Variants in LTBP1 observed in about 807,000 individuals in gnomAD.
The protein encoded by LTBP1 is latent transforming growth factor beta binding protein 1.
Under a neutral mutation model 207.6 loss-of-function variants are expected in LTBP1, and 129 were observed. The observed-to-expected ratio is 0.62, with a 90% CI of 0.54 to 0.72. LTBP1 has a LOEUF of 0.72. LTBP1 is among the 30% of genes least tolerant of loss of function. The pLI is 0.00. For synonymous variants in LTBP1, 963 were observed against 833.7 expected, an observed-to-expected ratio of 1.16 and a Z score of -2.67; for missense variants, 2,281 against 2,217.2, an observed-to-expected ratio of 1.03 and a Z score of -0.58.
chr2:33,211,265 A>G (rs900484751), intron 7 of LTBP1, among the ~76,000 whole-genome samples: 4 of 152,144 alleles, frequency 2.6e-5, no homozygotes, highest in African/African-American at 9.7e-5. Flanking sequence ...AGTTTATCAA[A>G]TGGCTAGTAC....
At chr2:33,381,571 A>G (rs2095214950) in intron 31 of LTBP1, among the ~76,000 whole-genome samples, 1 of 152,216 alleles carries the variant, frequency 6.6e-6, no homozygotes, top group African/African-American at 2.4e-5. Flanking sequence ...ACATTAAGCA[A>G]TTTGATCTCT....
In LTBP1 at chr2:32,947,598, G is replaced by A. The variant is rs931697245; in HGVS notation, c.274G>A (p.Gly92Ser). The A allele has an allele frequency of 2.8e-5, 37 of 1,309,196 alleles. No homozygotes were observed. The African/African-American group carries it at 5.6e-4, about 20-fold the overall frequency. 81.1% of individuals were successfully genotyped at this position (1,309,196 alleles called of 1,614,324 possible). Residue 92 changes from glycine to serine, a missense_variant, in exon 1 of 34, where the codon GGC (glycine) becomes AGC (serine). Physicochemically the swap from Gly to Ser is moderately conservative, Grantham distance 56. Transcript: ENST00000404816. ...GACCCGGCGCACGAGCAAGCCGGGC[G>A]GCGCGGCCCTGCAGGGGCTCAGACC... The part of the protein sequence containing the change: ...ERTRRTSKPG[G>S]AALQGLRPPP...
chr2:33,022,312 C>A (rs1443258547), intron 3 of LTBP1, among the ~76,000 whole-genome samples: 1 of 92,450 alleles, frequency 1.1e-5, no homozygotes, highest in East Asian at 5.2e-4. Flanking sequence ...CTAATTTCTT[C>A]TTGTCTCATA....
chr2:33,347,029 A>T (rs569854430), intron 25 of LTBP1, among the ~76,000 whole-genome samples: 2 of 149,674 alleles, frequency 1.3e-5, no homozygotes, highest in African/African-American at 5.0e-5. Context: ...GAGGCAGGAG[A>T]ATGGCGTGAA....
At chr2:33,142,409 G>T (rs1321107196) in intron 5 of LTBP1, among the ~76,000 whole-genome samples, 1 of 152,136 alleles carries the variant, frequency 6.6e-6, no homozygotes, top group Non-Finnish European at 1.5e-5. Flanking sequence ...TTGGTATGGA[G>T]CTTGCTTTTA....
chr2:33,313,933 T>C (rs1401047268), intron 23 of LTBP1, among the ~76,000 whole-genome samples: 2 of 152,208 alleles, frequency 1.3e-5, no homozygotes, highest in Admixed American at 6.5e-5. Flanking sequence ...AAACTTTCTC[T>C]AGGCGCTTTA....
intron 5 of LTBP1, among the ~76,000 whole-genome samples, chr2:33,136,774 C>T (rs902472461): frequency 1.3e-5 from 2 of 152,068 alleles, no homozygotes; most frequent in East Asian, 3.9e-4. Context: ...TGAAACACAC[C>T]ACACACTTTC....
chr2:32,948,532 A>G (rs1206788988), intron 1 of LTBP1, among the ~76,000 whole-genome samples: 1 of 152,134 alleles, frequency 6.6e-6, no homozygotes, highest in African/African-American at 2.4e-5. Flanking sequence ...TCTGAAACTC[A>G]TTTCCAATTT....
At chr2:33,060,264 A>G (rs2077200144) in intron 3 of LTBP1, among the ~76,000 whole-genome samples, 1 of 152,190 alleles carries the variant, frequency 6.6e-6, no homozygotes. Flanking sequence ...ATAAATGTGG[A>G]GAGGCTAAAT....
At chr2:33,289,117 T>C (rs2093725143) in intron 19 of LTBP1, among the ~76,000 whole-genome samples, 1 of 152,222 alleles carries the variant, frequency 6.6e-6, no homozygotes, top group African/African-American at 2.4e-5. Flanking sequence ...CATCTAGTTT[T>C]CAACAATGTA....
At chr2:33,016,425 A>G (rs1688384561) in intron 2 of LTBP1, among the ~76,000 whole-genome samples, 1 of 152,236 alleles carries the variant, frequency 6.6e-6, no homozygotes, top group South Asian at 2.1e-4. Context: ...CTAACCCACT[A>G]CTTTTCAGAC....
At chr2:33,140,093 C>T (rs868260298) in intron 5 of LTBP1, among the ~76,000 whole-genome samples, 1 of 152,166 alleles carries the variant, frequency 6.6e-6, no homozygotes, top group East Asian at 1.9e-4. Flanking sequence ...TGTAGCTGTT[C>T]TGGGGCTTGT....
chr2:33,281,418 G>A (rs981269230), intron 19 of LTBP1, among the ~76,000 whole-genome samples: 3 of 152,156 alleles, frequency 2.0e-5, no homozygotes, highest in Admixed American at 6.6e-5. Flanking sequence ...AGAGCAGAAG[G>A]CCAGTGTAGC....
intron 5 of LTBP1, among the ~76,000 whole-genome samples, chr2:33,167,664 T>C (rs2085049294): frequency 6.6e-6 from 1 of 152,000 alleles, no homozygotes; most frequent in Non-Finnish European, 1.5e-5. Context: ...TGGGTGGAAG[T>C]AGTAAGGTGG....
At chr2:33,051,046 C>G in intron 3 of LTBP1, among the ~76,000 whole-genome samples, 1 of 152,216 alleles carries the variant, frequency 6.6e-6, no homozygotes, top group Admixed American at 6.5e-5. Context: ...GTTTCCTCAG[C>G]CAGAAAATGA....
chr2:33,101,045 A>G (rs2079702952), intron 3 of LTBP1, among the ~76,000 whole-genome samples: 1 of 152,208 alleles, frequency 6.6e-6, no homozygotes, highest in South Asian at 2.1e-4. Context: ...TTCAGTGCTT[A>G]GGAGAAGAAT....
At chr2:33,254,851 GGTTTTTTTTTT>G (rs1404560443) in intron 11 of LTBP1, among the ~76,000 whole-genome samples, 55 of 7,034 alleles carry the variant, frequency 7.8e-3, no homozygotes, top group African/African-American at 0.043. Flanking sequence ...TGCGGTGTTT[GGTTTTTTTTTT>G]TTTTTTTTTT....
chr2:33,378,197 G>GTC (rs2095167394), intron 31 of LTBP1, among the ~76,000 whole-genome samples: 1 of 149,320 alleles, frequency 6.7e-6, no homozygotes, highest in Admixed American at 6.7e-5. Context: ...GTGTGTGTGT[G>GTC]TGTGTGTGTG....
chr2:32,951,911 A>G (rs568596958), intron 2 of LTBP1, among the ~76,000 whole-genome samples: 57 of 152,228 alleles, frequency 3.7e-4, no homozygotes, highest in Non-Finnish European at 7.1e-4. Context: ...AAGAATACAA[A>G]AACCAATGAT....
Sources: allele counts gnomAD v4.1 joint callset (sites outside exome capture counted in the v4.1 genomes callset), GRCh38; gene constraint gnomAD v4.1.1; transcripts MANE v1.5; gene names NCBI Gene and HGNC (gene_info 2026-07-23, HGNC 2026-07-21).